PDK1: variants seen among roughly 807,000 people sequenced by gnomAD.
PDK1 encodes the protein [Pyruvate dehydrogenase (acetyl-transferring)] kinase isozyme 1, mitochondrial.
Under a neutral mutation model 54.2 loss-of-function variants are expected in PDK1, and 39 were observed. The ratio of observed to expected loss-of-function variants is 0.72; its 90% confidence interval spans 0.56 to 0.94. The LOEUF (loss-of-function observed/expected upper bound fraction) is 0.94. Ranked by LOEUF, PDK1 falls within the 40% of genes least tolerant of loss-of-function variation. The pLI is 0.00. For missense variants in PDK1, 552 were observed against 566.0 expected (o/e 0.98, Z 0.25); for synonymous variants, 221 against 207.1 (o/e 1.07, Z -0.58).
At chr2:172,626,325 T>TA in the PDK1 span, among the ~76,000 whole-genome samples, 2,977 of 151,874 alleles carry the variant, frequency 0.02, 87 homozygotes, top group African/African-American at 0.067. Flanking sequence ...TGGGGGTGAT[T>TA]AAAAAAAAGG....
chr2:172,673,752 A>G, the PDK1 span, among the ~76,000 whole-genome samples: 1 of 152,242 alleles, frequency 6.6e-6, no homozygotes, highest in African/African-American at 2.4e-5. Flanking sequence ...AGTTTCCATA[A>G]AGATAGTAAA....
chr2:172,646,493 A>G, the PDK1 span, among the ~76,000 whole-genome samples: 1 of 120,500 alleles, frequency 8.3e-6, no homozygotes, highest in East Asian at 2.0e-4. Context: ...CTTTAGATAA[A>G]CACATCGAAG....
chr2:172,714,822 TG>T, the PDK1 span, among the ~76,000 whole-genome samples: 1 of 152,172 alleles, frequency 6.6e-6, no homozygotes, highest in Non-Finnish European at 1.5e-5. Flanking sequence ...GTTGTATTAA[TG>T]ACTATTTATA....
At chr2:172,616,643 AG>A in the PDK1 span, among the ~76,000 whole-genome samples, 2 of 152,236 alleles carry the variant, frequency 1.3e-5, no homozygotes, top group African/African-American at 4.8e-5. Context: ...TGTGAGAAAT[AG>A]GTTCATAGAG....
In PDK1 at chr2:172,564,665, T is replaced by G. The variant is rs751422301; in HGVS notation, c.573T>G (p.Ile191Met). ...GATTCTACATGAGTCGCATTTCAAT[T>G]AGAATGTTACTCAATCAGCACTGTA... ...LDRFYMSRIS[I>M]RMLLNQHSLL... Residue 191 changes from isoleucine to methionine, a missense_variant, in exon 4 of 11, where the codon ATT becomes ATG. Physicochemically the swap from Ile to Met is conservative, Grantham distance 10. Coordinates refer to ENST00000282077, the MANE Select transcript of PDK1 (RefSeq NM_002610.5). 6.2e-7 allele frequency: 1 copy of G among 1,614,008 alleles called. No homozygotes were observed. The highest frequency in any genetic ancestry group is 8.5e-7 in the Non-Finnish European group (1 of 1,179,888).
At chr2:172,718,278 A>AG in the PDK1 span, among the ~76,000 whole-genome samples, 3 of 152,244 alleles carry the variant, frequency 2.0e-5, no homozygotes, top group African/African-American at 7.2e-5. Context: ...GAAGCTAGTG[A>AG]AATGAAGAGA....
intron 3 of PDK1, 135 bp downstream of exon 3, chr2:172,562,426 T>C: frequency 1.5e-6 from 1 of 656,806 alleles, no homozygotes. Flanking sequence ...GCAGGACAAA[T>C]AACAATCAGC....
At chr2:172,694,528 C>A in the PDK1 span, among the ~76,000 whole-genome samples, 1 of 152,140 alleles carries the variant, frequency 6.6e-6, no homozygotes, top group Non-Finnish European at 1.5e-5. Context: ...TCCAGGCATT[C>A]AAGTTTCTTC....
At chr2:172,657,097 C>A in the PDK1 span, among the ~76,000 whole-genome samples, 1 of 152,192 alleles carries the variant, frequency 6.6e-6, no homozygotes, top group Non-Finnish European at 1.5e-5. Flanking sequence ...CTACATCCTC[C>A]TGTCTTGCAA....
rs2149275887 is a variant in PDK1 at position 172,586,331 on chromosome 2, C to T, written c.999C>T (p.Asn333=). 4 of 1,613,340 alleles carry T rather than the reference C, an allele frequency of 2.5e-6. No individual in the cohort carries two copies. Among genetic ancestry groups the T allele is most frequent in the Non-Finnish European group, 3.4e-6 (4 of 1,179,406 alleles). ...TGAGGAAAATTGACAGACTTTTCAA[C>T]TACATGTATTCAACTGCACCAAGAC... ...VPLRKIDRLF[N]YMYSTAPRPR... Residue 333 remains asparagine (N), a synonymous_variant, in exon 9 of 11, where the codon AAC becomes AAT. Transcript: ENST00000282077.
chr2:172,572,963 A>G (rs1689364028), intron 8 of PDK1, among the ~76,000 whole-genome samples: 1 of 152,186 alleles, frequency 6.6e-6, no homozygotes, highest in South Asian at 2.1e-4. Context: ...ATTCTGTTAT[A>G]TGGATATAAC....
At chr2:172,662,329 G>A in the PDK1 span, among the ~76,000 whole-genome samples, 1 of 152,100 alleles carries the variant, frequency 6.6e-6, no homozygotes, top group Non-Finnish European at 1.5e-5. Flanking sequence ...TGGATGAGAA[G>A]AAGCTTTTGT....
At chr2:172,651,193 T>G in the PDK1 span, among the ~76,000 whole-genome samples, 1 of 152,078 alleles carries the variant, frequency 6.6e-6, no homozygotes, top group Non-Finnish European at 1.5e-5. Flanking sequence ...CTCAACTACA[T>G]GGAAACTGAA....
chr2:172,563,928 G>A, intron 3 of PDK1: 4 of 447,596 alleles, frequency 8.9e-6, no homozygotes, highest in Non-Finnish European at 1.8e-5. Flanking sequence ...ATGATTTGAA[G>A]ATTTGTCTTT....
At chr2:172,620,863 C>A in the PDK1 span, among the ~76,000 whole-genome samples, 1 of 152,150 alleles carries the variant, frequency 6.6e-6, no homozygotes, top group Non-Finnish European at 1.5e-5. Context: ...GTACAGCCTG[C>A]AGAACCGTGA....
rs550515720 is a variant in PDK1, at chr2:172,585,087, C to T, written c.946-1191C>T. On this transcript the variant is annotated intron_variant, in intron 8 of 10. Transcript: ENST00000282077. The stretch of plus-strand genomic sequence containing the variant: ...TCATACCTCACTATAGCCTCCACCT[C>T]CTGGGCTCAAGTGATACTCCTTCCT... Among the ~76,000 whole-genome samples the T allele has an allele frequency of 2.9e-3, 440 of 152,190 alleles. 2 individuals are homozygous for T. Among genetic ancestry groups the T allele is most frequent in the Non-Finnish European group, 3.8e-3 (261 of 68,008 alleles).
At chr2:172,562,377 T>G (rs1688700888) in intron 3 of PDK1, 86 bp downstream of exon 3, 2 of 826,806 alleles carry the variant, frequency 2.4e-6, no homozygotes, top group Admixed American at 3.9e-5. Flanking sequence ...TCTACTACTT[T>G]AGAACATGTG....
the PDK1 span, among the ~76,000 whole-genome samples, chr2:172,683,413 A>G: frequency 6.6e-6 from 1 of 151,926 alleles, no homozygotes; most frequent in Non-Finnish European, 1.5e-5. Flanking sequence ...CAGGCTGTAC[A>G]GGAAGCATGG....
the PDK1 span, among the ~76,000 whole-genome samples, chr2:172,704,020 C>T: frequency 2.6e-5 from 4 of 152,096 alleles, no homozygotes; most frequent in South Asian, 4.2e-4. Context: ...GTGATCCACC[C>T]GCCTCAGCCT....
Sources: gnomAD v4.1 joint callset for allele counts (sites outside exome capture counted in the v4.1 genomes callset) on GRCh38, gnomAD v4.1.1 for gene constraint, MANE v1.5 for transcripts, NCBI Gene and HGNC (gene_info 2026-07-23, HGNC 2026-07-21) for gene names.